The following WWP2 variants were observed in gnomAD, a reference collection of about 807,000 sequenced individuals.
WWP2 encodes NEDD4-like E3 ubiquitin-protein ligase WWP2.
A neutral mutation model predicts 121.0 loss-of-function variants in WWP2; 57 were observed. That is an observed-to-expected ratio of 0.47 (90% CI 0.38 to 0.59). The LOEUF (loss-of-function observed/expected upper bound fraction) is 0.59, where lower values mean the gene tolerates loss of function less well. Ranked by LOEUF, WWP2 falls within the 20% of genes least tolerant of loss-of-function variation. WWP2 has a pLI of 0.00. For synonymous variants in WWP2, 449 were observed against 441.3 expected, an observed-to-expected ratio of 1.02 and a Z score of -0.22; for missense variants, 962 against 1,158.9, an observed-to-expected ratio of 0.83 and a Z score of 2.47.
intron 9 of WWP2, among the ~76,000 whole-genome samples, chr16:69,912,037 C>T (rs569241465): frequency 6.6e-6 from 1 of 151,960 alleles, no homozygotes; most frequent in Non-Finnish European, 1.5e-5. Flanking sequence ...CGCCTGTAAT[C>T]CCAGCACTTT....
chr16:69,884,503 C>T (rs1209335390), intron 7 of WWP2, among the ~76,000 whole-genome samples: 3 of 152,110 alleles, frequency 2.0e-5, no homozygotes, highest in Admixed American at 2.0e-4. Flanking sequence ...TAGCATGAGC[C>T]TGTAGTCCCA....
chr16:69,914,334 A>G lies in WWP2; in HGVS notation c.1005-3375A>G, dbSNP rs58153395. 2.0e-3 allele frequency among the ~76,000 whole-genome samples: 300 copies of G among 152,240 alleles called. 1 individual carries two copies. Among genetic ancestry groups the G allele is most frequent in the African/African-American group, 6.4e-3 (266 of 41,550 alleles). On this transcript the variant is annotated intron_variant, in intron 9 of 23. Transcript: ENST00000359154. ...ACTCACCCCAAGGCTCATCTGATTG[A>G]ATTTCTGAGTGCCAAGAGACAGCCT...
intron 10 of WWP2, among the ~76,000 whole-genome samples, chr16:69,921,770 C>T (rs953618991): frequency 6.6e-6 from 1 of 152,088 alleles, no homozygotes; most frequent in Non-Finnish European, 1.5e-5. Flanking sequence ...TCTCTCTCTG[C>T]AGTATTGAAA....
chr16:69,775,128 G>T (rs2055497803), intron 1 of WWP2: 1 of 152,162 alleles, frequency 6.6e-6, no homozygotes, highest in Non-Finnish European at 1.5e-5. Flanking sequence ...GACAAAAGGG[G>T]TATGATTGAC....
intron 9 of WWP2, among the ~76,000 whole-genome samples, chr16:69,912,967 T>C (rs2058411817): frequency 8.7e-4 from 1 of 1,144 alleles, no homozygotes; most frequent in Non-Finnish European, 1.4e-3. Flanking sequence ...TATATATATA[T>C]ATATATATAT....
intron 4 of WWP2, among the ~76,000 whole-genome samples, chr16:69,837,502 A>G (rs1216996335): frequency 1.3e-5 from 2 of 152,216 alleles, no homozygotes; most frequent in Admixed American, 6.5e-5. Flanking sequence ...CCCTGAGATG[A>G]GACCATGGAG....
At chr16:69,815,781 C>T (rs947582145) in intron 4 of WWP2, among the ~76,000 whole-genome samples, 1 of 146,962 alleles carries the variant, frequency 6.8e-6, no homozygotes, top group African/African-American at 2.5e-5. Flanking sequence ...AACAAGACTC[C>T]GTCTCGAAAA....
At chr16:69,936,604 A>T (rs1460870431) in intron 19 of WWP2, 152 bp downstream of exon 19, 1 of 1,147,592 alleles carries the variant, frequency 8.7e-7, no homozygotes, top group Non-Finnish European at 1.2e-6. Context: ...CGGTCATGTG[A>T]TGGCGCGAGC....
At chr16:69,905,947 C>T (rs2058284460) in intron 8 of WWP2, among the ~76,000 whole-genome samples, 1 of 152,178 alleles carries the variant, frequency 6.6e-6, no homozygotes, top group African/African-American at 2.4e-5. Context: ...AGGATGAAGG[C>T]AAGGATTGCA....
intron 15 of WWP2, 86 bp from the exon 16 acceptor site, chr16:69,931,716 T>C: frequency 6.4e-7 from 1 of 1,574,272 alleles, no homozygotes; most frequent in East Asian, 2.2e-5. Context: ...CTGCTGGATA[T>C]TGGGCCTTAG....
At chr16:69,783,998 G>T (rs556960146) in intron 1 of WWP2, among the ~76,000 whole-genome samples, 2 of 151,568 alleles carry the variant, frequency 1.3e-5, no homozygotes, top group South Asian at 4.2e-4. Flanking sequence ...AACAGCATCA[G>T]TTCTCAAGTG....
rs185477601 is a variant in WWP2 at position 69,893,695 on chromosome 16, C to A, written c.914+5446C>A. ...TAGCTGGGAGTACAGGCTTGCGCCA[C>A]CACGCCCAGCTAATTTTTTGTATTT... On this transcript the variant is annotated intron_variant, in intron 8 of 23. Coordinates refer to ENST00000359154, the MANE Select transcript of WWP2 (RefSeq NM_001270454.2). Among the ~76,000 whole-genome samples the A allele has an allele frequency of 7.9e-3, 1,204 of 152,306 alleles. 17 individuals carry two copies. The highest frequency in any genetic ancestry group is 0.026 in the African/African-American group (1,094 of 41,562).
chr16:69,774,743 G>A (rs923099993), intron 1 of WWP2: 7 of 152,194 alleles, frequency 4.6e-5, no homozygotes, highest in Non-Finnish European at 7.3e-5. Flanking sequence ...GCCAAGGCAG[G>A]AGGATGGCTT....
intron 8 of WWP2, among the ~76,000 whole-genome samples, chr16:69,893,405 T>C (rs2058060350): frequency 6.6e-6 from 1 of 152,214 alleles, no homozygotes; most frequent in African/African-American, 2.4e-5. Flanking sequence ...GAATGTTTTT[T>C]GCCTCTTTGA....
chr16:69,939,498 T>C (rs1246432200), intron 23 of WWP2, 85 bp downstream of exon 23: 4 of 1,430,612 alleles, frequency 2.8e-6, no homozygotes, highest in East Asian at 2.3e-5. Context: ...AGCAGCTTCA[T>C]AGCCTCGAGT....
At chr16:69,834,852 T>G (rs2056848238) in intron 4 of WWP2, among the ~76,000 whole-genome samples, 1 of 152,122 alleles carries the variant, frequency 6.6e-6, no homozygotes, top group Admixed American at 6.6e-5. Context: ...TCTAACAGAT[T>G]ATGCAATTTT....
rs77871607 is a variant in WWP2 at position 69,891,046 on chromosome 16, T to C, written c.914+2797T>C. On this transcript the variant is annotated intron_variant, in intron 8 of 23. Transcript: ENST00000359154. The stretch of plus-strand genomic sequence containing the variant: ...GGCTTCCACGTGCTCTTCTCTAAGA[T>C]GGCTAGGAGGGCTCTGTGGGCTGAC... Among the ~76,000 whole-genome samples, 142 of 152,234 alleles carry C rather than the reference T, an allele frequency of 9.3e-4. 1 individual carries two copies. In the East Asian group the frequency reaches 0.027, roughly 29 times the overall value.
At chr16:69,794,287 G>A (rs943378236) in intron 2 of WWP2, among the ~76,000 whole-genome samples, 1 of 152,174 alleles carries the variant, frequency 6.6e-6, no homozygotes, top group African/African-American at 2.4e-5. Flanking sequence ...TACTTTAGGA[G>A]GCTGAGGCGG....
intron 4 of WWP2, among the ~76,000 whole-genome samples, chr16:69,819,832 G>T (rs1388161501): frequency 2.0e-5 from 3 of 152,176 alleles, no homozygotes; most frequent in African/African-American, 7.2e-5. Flanking sequence ...AATCGCCCCA[G>T]TGAGATCCTT....
Sources: allele counts gnomAD v4.1 joint callset (sites outside exome capture counted in the v4.1 genomes callset), GRCh38; gene constraint gnomAD v4.1.1; transcripts MANE v1.5; gene names NCBI Gene and HGNC (gene_info 2026-07-23, HGNC 2026-07-21).